Variants in SLC1A7 observed in about 807,000 individuals in gnomAD.
The protein encoded by SLC1A7 is solute carrier family 1 member 7.
SLC1A7 carries 40 observed loss-of-function variants against 47.7 expected under a neutral mutation model. The ratio of observed to expected loss-of-function variants is 0.84; its 90% CI spans 0.65 to 1.09. The LOEUF (loss-of-function observed/expected upper bound fraction) is 1.09, where lower values mean the gene tolerates loss of function less well. Ranked by LOEUF, SLC1A7 falls within the 50% of genes least tolerant of loss-of-function variation. The probability of loss-of-function intolerance (pLI) is 0.00; values close to 1 mark genes in which losing one functional copy is unlikely to be tolerated. For synonymous variants in SLC1A7, 323 were observed against 325.6 expected, an observed-to-expected ratio of 0.99 and a Z score of 0.09; for missense variants, 746 against 769.5, an observed-to-expected ratio of 0.97 and a Z score of 0.36.
At chr1:53,126,306 T>C (rs1287419601) in intron 2 of SLC1A7, among the ~76,000 whole-genome samples, 1 of 152,226 alleles carries the variant, frequency 6.6e-6, no homozygotes, top group Non-Finnish European at 1.5e-5. Flanking sequence ...GAAGAGCCCT[T>C]GGAAGGAGGA....
chr1:53,127,046 T>TTTTG (rs1644890739), intron 2 of SLC1A7, among the ~76,000 whole-genome samples: 1 of 146,062 alleles, frequency 6.8e-6, no homozygotes, highest in African/African-American at 2.5e-5. Context: ...AAGTTTTTTT[T>TTTTG]TTTTTTTTTT....
At chr1:53,090,468 C>T (rs932395973) in intron 8 of SLC1A7, 144 bp downstream of exon 8, 36 of 1,300,224 alleles carry the variant, frequency 2.8e-5, no homozygotes, top group Non-Finnish European at 1.3e-5. Flanking sequence ...CCTCCAGGCT[C>T]GGAGCTCCCA....
intron 5 of SLC1A7, among the ~76,000 whole-genome samples, chr1:53,094,285 C>G (rs1334010785): frequency 6.6e-6 from 1 of 152,186 alleles, no homozygotes; most frequent in African/African-American, 2.4e-5. Context: ...TGGCGCCTCC[C>G]CCGGCATTCT....
At chr1:53,095,888 TCGCCTCGGTACACTCACACAACC>T (rs1644482411) in intron 5 of SLC1A7, among the ~76,000 whole-genome samples, 1 of 92,918 alleles carries the variant, frequency 1.1e-5, no homozygotes, top group Non-Finnish European at 2.2e-5. Context: ...TACATTCACA[TCGCCTCGGTACACTCACACAACC>T]CGCCTCGGTA....
chr1:53,101,526 C>CACAAATGTTCACAGATG, intron 5 of SLC1A7, among the ~76,000 whole-genome samples: 1 of 150,924 alleles, frequency 6.6e-6, no homozygotes, highest in Non-Finnish European at 1.5e-5. Flanking sequence ...AGTACACTCA[C>CACAAATGTTCACAGATG]CCTGACTCGT....
chr1:53,124,249 A>AATACAACAC (rs1053959653), intron 2 of SLC1A7, among the ~76,000 whole-genome samples: 4 of 6,966 alleles, frequency 5.7e-4, no homozygotes, highest in African/African-American at 6.2e-4. Context: ...ATACATACAC[A>AATACAACAC]ACACACACAC....
In SLC1A7 at chr1:53,106,578, C is replaced by T. The variant is rs138100050; in HGVS notation, c.432-804G>A. Among the ~76,000 whole-genome samples, 1,191 of 141,316 alleles carry T rather than the reference C, an allele frequency of 8.4e-3. 33 individuals carry two copies. In the East Asian group the frequency reaches 0.096, roughly 11 times the overall value. The allele number at this position is 141,316 out of a possible 152,430, so 92.7% of individuals were successfully genotyped here. ...TCGCGCCACTGCACCCCAGCCTGGG[C>T]GGCAGAGCAAGACACCGTCTCAAAA... On this transcript the variant is annotated intron_variant, in intron 3 of 10. Transcript: ENST00000371494.
intron 2 of SLC1A7, 114 bp from the exon 3 acceptor site, chr1:53,115,087 A>G (rs746784451): frequency 2.6e-6 from 2 of 758,598 alleles, no homozygotes; most frequent in Non-Finnish European, 4.4e-6. Context: ...GCTCCAGGGA[A>G]CCCCATTCTT....
Position 53,134,324 on chromosome 1 carries a change from C to T in SLC1A7, c.215+26G>A, listed in dbSNP as rs201218308. ...CATCCTCTACCCTCCTGGTTCCGGA[C>T]CACCTGGTCAAACCCCCGCTCTCAC... On this transcript the variant is annotated intron_variant, in intron 2 of 10. Transcript: ENST00000371494. The T allele has an allele frequency of 9.1e-5, 145 of 1,586,440 alleles. No individual in the cohort carries two copies. In the African/African-American group the frequency reaches 1.8e-3, roughly 20 times the overall value.
rs1644604942 is a variant in SLC1A7 at position 53,103,377 on chromosome 1, C to T, written c.666G>A (p.Val222=). Residue 222 remains valine (V), a synonymous_variant, in exon 5 of 11, where the codon GTG becomes GTA. Coordinates refer to ENST00000371494, the MANE Select transcript of SLC1A7 (RefSeq NM_006671.6). The part of the protein sequence containing the change: ...SEPGTSDGMN[V]LGIVFFSATM... ...TGGCAGAGAAGAAGACGATGCCCAG[C>T]ACATTCATGCCATCGCTGGTGCCCG... 2.5e-6 allele frequency: 4 copies of T among 1,608,758 alleles called. No individual in the cohort carries two copies. The highest frequency in any genetic ancestry group is 3.4e-6 in the Non-Finnish European group (4 of 1,178,196).
At chr1:53,117,263 T>C (rs985123382) in intron 2 of SLC1A7, among the ~76,000 whole-genome samples, 1 of 152,098 alleles carries the variant, frequency 6.6e-6, no homozygotes, top group Non-Finnish European at 1.5e-5. Flanking sequence ...TGAGGGTTAG[T>C]GACAGATTGG....
Position 53,093,534 on chromosome 1 carries a change from T to TG in SLC1A7, c.723dup (p.Ser242GlnfsTer14). On this transcript the variant is annotated frameshift_variant, in exon 6 of 11. Transcript: ENST00000371494. LOFTEE classifies it high-confidence loss of function. ...CAGAAGCTGACCAGGGGGGCCCCGC[T>TG]GTCACCCATGCGGCCCAGCATGATG... is the stretch of plus-strand genomic sequence containing the variant. 1 of 1,608,082 alleles carries TG rather than the reference T, an allele frequency of 6.2e-7. No homozygotes were observed. Among genetic ancestry groups the TG allele is most frequent in the South Asian group, 1.1e-5 (1 of 90,586 alleles).
chr1:53,118,603 T>G lies in SLC1A7; in HGVS notation c.216-3630A>C, dbSNP rs142087058. ...ATTTTCTAGTGGTCACATTAAAAAG[T>G]AAAAAGAAACAGGTGAAATTAGTTT... On this transcript the variant is annotated intron_variant, in intron 2 of 10. Transcript: ENST00000371494. 6 of 152,348 alleles carry G rather than the reference T, an allele frequency of 3.9e-5. No individual in the cohort carries two copies. The East Asian group carries it at 1.2e-3, about 29-fold the overall frequency. The allele number at this position is 152,348 out of a possible 1,614,324, so 9.4% of individuals were successfully genotyped here. A position where few individuals can be genotyped will look rare whatever the true frequency, so the allele number is the denominator to read the frequency against.
At chr1:53,109,006 C>T (rs765032503) in intron 3 of SLC1A7, among the ~76,000 whole-genome samples, 4 of 152,086 alleles carry the variant, frequency 2.6e-5, no homozygotes, top group Admixed American at 6.5e-5. Context: ...CCATGAGGTC[C>T]GTGCTCCTGG....
At chr1:53,101,080 C>A (rs1319419226) in intron 5 of SLC1A7, among the ~76,000 whole-genome samples, 1 of 151,616 alleles carries the variant, frequency 6.6e-6, no homozygotes, top group Non-Finnish European at 1.5e-5. Context: ...CACACACCAC[C>A]TTGGTACACT....
chr1:53,132,204 G>A (rs1321931641), intron 2 of SLC1A7, among the ~76,000 whole-genome samples: 1 of 152,188 alleles, frequency 6.6e-6, no homozygotes, highest in East Asian at 1.9e-4. Flanking sequence ...GCTGTTGAAG[G>A]TAAATGAGGG....
At chr1:53,131,279 T>C (rs1557690056) in intron 2 of SLC1A7, among the ~76,000 whole-genome samples, 1 of 152,228 alleles carries the variant, frequency 6.6e-6, no homozygotes, top group Non-Finnish European at 1.5e-5. Context: ...TGATCGCTTG[T>C]GGTGGAGGCA....
At chr1:53,103,092 G>A (rs1644601259) in intron 5 of SLC1A7, 5 of 423,854 alleles carry the variant, frequency 1.2e-5, no homozygotes, top group Admixed American at 4.1e-5. Context: ...AGGGAAGGGT[G>A]TGGCAGGGAT....
intron 2 of SLC1A7, among the ~76,000 whole-genome samples, chr1:53,119,412 G>C (rs1483018004): frequency 6.6e-6 from 1 of 152,164 alleles, no homozygotes; most frequent in African/African-American, 2.4e-5. Context: ...TCAGTGGCAC[G>C]ATCATGGCTC....
Sources: allele counts gnomAD v4.1 joint callset (sites outside exome capture counted in the v4.1 genomes callset), GRCh38; gene constraint gnomAD v4.1.1; transcripts MANE v1.5; gene names NCBI Gene and HGNC (gene_info 2026-07-23, HGNC 2026-07-21).